The following ADGRB3 variants were observed in gnomAD, a reference collection of about 807,000 sequenced individuals.
The protein encoded by ADGRB3 is brain-specific angiogenesis inhibitor 3.
A neutral mutation model predicts 193.4 loss-of-function variants in ADGRB3; 37 were observed. That is an observed-to-expected ratio of 0.19 (90% CI 0.15 to 0.25). ADGRB3 has a LOEUF of 0.25. Ranked by LOEUF, ADGRB3 falls within the 10% of genes least tolerant of loss-of-function variation. ADGRB3 has a pLI of 1.00. For synonymous variants in ADGRB3, 690 were observed against 644.2 expected (o/e 1.07, Z -1.08); for missense variants, 1,637 against 1,852.9 (o/e 0.88, Z 2.14).
intron 30 of ADGRB3, among the ~76,000 whole-genome samples, chr6:69,375,364 A>G (rs1220970457): frequency 1.3e-5 from 2 of 152,062 alleles, no homozygotes; most frequent in East Asian, 3.9e-4. Flanking sequence ...ATGAAAGTCC[A>G]CTTCCTGGAG....
intron 17 of ADGRB3, among the ~76,000 whole-genome samples, chr6:69,225,297 AG>A (rs1211812394): frequency 1.3e-5 from 2 of 152,080 alleles, no homozygotes; most frequent in African/African-American, 2.4e-5. Flanking sequence ...GACCATCTCA[AG>A]CTTCATATTT....
At chr6:68,760,622 A>G (rs960299494) in intron 3 of ADGRB3, among the ~76,000 whole-genome samples, 1 of 152,236 alleles carries the variant, frequency 6.6e-6, no homozygotes, top group Non-Finnish European at 1.5e-5. Context: ...CGTAATGTCT[A>G]CACAATTCTA....
intron 10 of ADGRB3, among the ~76,000 whole-genome samples, chr6:68,976,066 T>A (rs1406970871): frequency 1.3e-5 from 2 of 152,168 alleles, no homozygotes; most frequent in Non-Finnish European, 2.9e-5. Context: ...AATATGAACA[T>A]GAGCCAACTG....
At position 68,751,044 on chromosome 6, in the gene ADGRB3, TCTC is replaced by T. The variant is rs1766188445; in HGVS notation, c.757+111617_757+111619del. 2.6e-5 allele frequency among the ~76,000 whole-genome samples: 4 copies of T among 152,194 alleles called. No homozygotes were observed. The South Asian group carries it at 8.3e-4, about 32-fold the overall frequency. On this transcript the variant is annotated intron_variant, in intron 3 of 31. Transcript: ENST00000370598. Reference sequence around the variant, plus strand: ...TGCAGGTTTCCTCTTCCAGGACACTTCTCCTCCACTTGTACTGCTGCTTCTGCA... The same window carrying T: ...TGCAGGTTTCCTCTTCCAGGACACTTCTCCACTTGTACTGCTGCTTCTGCA...
chr6:68,822,406 T>A (rs1767763733), intron 3 of ADGRB3, among the ~76,000 whole-genome samples: 1 of 152,076 alleles, frequency 6.6e-6, no homozygotes, highest in Non-Finnish European at 1.5e-5. Context: ...GGTGAGAATC[T>A]ATTTCTGTTT....
chr6:68,702,548 T>C (rs775707265), intron 3 of ADGRB3, among the ~76,000 whole-genome samples: 1 of 152,190 alleles, frequency 6.6e-6, no homozygotes, highest in Non-Finnish European at 1.5e-5. Flanking sequence ...TTGACTTAAG[T>C]GTCAGTGAGA....
At chr6:69,256,845 A>T (rs1582583539) in intron 20 of ADGRB3, among the ~76,000 whole-genome samples, 1 of 152,318 alleles carries the variant, frequency 6.6e-6, no homozygotes, top group South Asian at 2.1e-4. Flanking sequence ...TGGGTTTATC[A>T]TAGATAGCTG....
At chr6:68,642,463 A>G (rs968065366) in intron 3 of ADGRB3, among the ~76,000 whole-genome samples, 1 of 152,134 alleles carries the variant, frequency 6.6e-6, no homozygotes, top group Non-Finnish European at 1.5e-5. Flanking sequence ...GTACTGAAAA[A>G]TTTCATAGCC....
chr6:68,905,668 T>G (rs564786244), intron 3 of ADGRB3, among the ~76,000 whole-genome samples: 3 of 152,282 alleles, frequency 2.0e-5, no homozygotes, highest in South Asian at 4.1e-4. Context: ...TCTACAGCTC[T>G]AAGTAGAAAT....
chr6:69,018,584 T>C, intron 13 of ADGRB3, 85 bp downstream of exon 13: 1 of 821,056 alleles, frequency 1.2e-6, no homozygotes, highest in South Asian at 1.8e-5. Flanking sequence ...AAGTATAATA[T>C]TCATTATTCA....
At chr6:68,897,042 A>G (rs1283566293) in intron 3 of ADGRB3, among the ~76,000 whole-genome samples, 1 of 152,092 alleles carries the variant, frequency 6.6e-6, no homozygotes, top group East Asian at 1.9e-4. Context: ...TAGTCATGCT[A>G]AGGCACACTT....
intron 11 of ADGRB3, among the ~76,000 whole-genome samples, chr6:68,994,356 A>G (rs1051311149): frequency 6.6e-6 from 1 of 152,232 alleles, no homozygotes; most frequent in African/African-American, 2.4e-5. Context: ...ATGCAAAAAA[A>G]CATAGTTTAA....
intron 31 of ADGRB3, among the ~76,000 whole-genome samples, chr6:69,388,248 TTC>T (rs1399287358): frequency 6.6e-6 from 1 of 152,150 alleles, no homozygotes; most frequent in African/African-American, 2.4e-5. Context: ...TTTAATGGAA[TTC>T]TGTTACCTTG....
intron 3 of ADGRB3, among the ~76,000 whole-genome samples, chr6:68,696,785 G>A (rs1235907167): frequency 6.6e-6 from 1 of 151,912 alleles, no homozygotes; most frequent in African/African-American, 2.4e-5. Flanking sequence ...TTATATTACA[G>A]GAGGTCAACA....
intron 3 of ADGRB3, among the ~76,000 whole-genome samples, chr6:68,798,400 A>G (rs1022101630): frequency 6.6e-6 from 1 of 152,094 alleles, no homozygotes; most frequent in Non-Finnish European, 1.5e-5. Context: ...TGGAATACTA[A>G]ATACAGAATG....
At chr6:68,849,477 T>C (rs1768353554) in intron 3 of ADGRB3, among the ~76,000 whole-genome samples, 1 of 152,002 alleles carries the variant, frequency 6.6e-6, no homozygotes, top group African/African-American at 2.4e-5. Flanking sequence ...TGAAGTTCAA[T>C]TAGTATTCAG....
At chr6:68,969,639 CCACT>C in intron 8 of ADGRB3, among the ~76,000 whole-genome samples, 1 of 152,286 alleles carries the variant, frequency 6.6e-6, no homozygotes. Flanking sequence ...GAGAACAGTA[CCACT>C]TACTACCCAG....
At chr6:69,178,846 G>T (rs566035877) in intron 17 of ADGRB3, among the ~76,000 whole-genome samples, 1 of 152,154 alleles carries the variant, frequency 6.6e-6, no homozygotes, top group Admixed American at 6.5e-5. Context: ...CTTTGTAAGT[G>T]ATCTGACCTT....
chr6:69,325,273 G>A (rs1019980441), intron 21 of ADGRB3, among the ~76,000 whole-genome samples: 8 of 151,356 alleles, frequency 5.3e-5, no homozygotes, highest in Admixed American at 2.6e-4. Context: ...ATGAGACCCC[G>A]AGATGCCTAC....
Sources: allele counts gnomAD v4.1 joint callset (sites outside exome capture counted in the v4.1 genomes callset), GRCh38; gene constraint gnomAD v4.1.1; transcripts MANE v1.5; gene names NCBI Gene and HGNC (gene_info 2026-07-23, HGNC 2026-07-21).